Variants in CNTLN observed in about 807,000 individuals in gnomAD.
The protein encoded by CNTLN is centlein, centrosomal protein.
A neutral mutation model predicts 180.0 loss-of-function variants in CNTLN; 212 were observed. The ratio of observed to expected loss-of-function variants is 1.18; its 90% CI spans 1.05 to 1.32. CNTLN has a LOEUF of 1.32. Among genes scored for constraint, CNTLN ranks in the 40% most tolerant of loss-of-function variants. The pLI is 0.00. For synonymous variants in CNTLN, 722 were observed against 563.1 expected, an observed-to-expected ratio of 1.28 and a Z score of -3.99; for missense variants, 2,095 against 1,610.9, an observed-to-expected ratio of 1.30 and a Z score of -5.14.
At chr9:17,441,182 C>G (rs1830087506) in intron 18 of CNTLN, among the ~76,000 whole-genome samples, 1 of 152,138 alleles carries the variant, frequency 6.6e-6, no homozygotes, top group Non-Finnish European at 1.5e-5. Context: ...GACTTCATCA[C>G]CACTAGACCT....
Position 17,272,395 on chromosome 9 carries a change from T to C in CNTLN, c.850-1338T>C, listed in dbSNP as rs1587441534. On this transcript the variant is annotated intron_variant, in intron 5 of 25. Coordinates refer to ENST00000380647, the MANE Select transcript of CNTLN (RefSeq NM_017738.4). ...TGGCCAGATAATGTTTATTTCTGAT[T>C]GTTCACTTCATTGACTCTGTTTTTG... 2.0e-5 allele frequency among the ~76,000 whole-genome samples: 3 copies of C among 152,282 alleles called. No individual in the cohort carries two copies. In the South Asian group the frequency reaches 6.2e-4, roughly 32 times the overall value.
intron 25 of CNTLN, among the ~76,000 whole-genome samples, chr9:17,492,256 G>A (rs923650181): frequency 2.6e-5 from 4 of 150,962 alleles, no homozygotes; most frequent in African/African-American, 9.8e-5. Context: ...GTTTTTTCTT[G>A]TAATTCCTTT....
intron 21 of CNTLN, among the ~76,000 whole-genome samples, chr9:17,465,338 A>G (rs1319488352): frequency 6.6e-6 from 1 of 150,388 alleles, no homozygotes; most frequent in Non-Finnish European, 1.5e-5. Context: ...TCTCTTCCAC[A>G]CATCTGTGCA....
In CNTLN at chr9:17,335,589, A is replaced by T. The variant is rs546759370; in HGVS notation, c.1644+2859A>T. Among the ~76,000 whole-genome samples, 24 of 152,164 alleles carry T rather than the reference A, an allele frequency of 1.6e-4. No homozygotes were observed. In the East Asian group the frequency reaches 4.6e-3, roughly 29 times the overall value. On this transcript the variant is annotated intron_variant, in intron 10 of 25. Coordinates refer to ENST00000380647, the MANE Select transcript of CNTLN (RefSeq NM_017738.4). ...CTTTGAGGAAAAGGTCAGTTGATAC[A>T]TTTTTTCCTGTTTTCTATTTCCTAA... is the stretch of plus-strand genomic sequence containing the variant.
intron 8 of CNTLN, among the ~76,000 whole-genome samples, chr9:17,311,006 T>C (rs1930645): frequency 0.77 from 117,395 of 151,660 alleles, 46,608 homozygotes; most frequent in Non-Finnish European, 0.86. Flanking sequence ...AAGGTGTCAT[T>C]TGATGAACAG....
At position 17,135,358 on chromosome 9, in the gene CNTLN, T is replaced by C. The variant is rs374236181; in HGVS notation, c.293T>C (p.Met98Thr). 5 of 1,600,836 alleles carry C rather than the reference T, an allele frequency of 3.1e-6. No individual in the cohort carries two copies. Among genetic ancestry groups the C allele is most frequent in the Non-Finnish European group, 4.3e-6 (5 of 1,174,644 alleles). The change falls in exon 1 of 26, where the codon ATG (methionine) becomes ACG (threonine). Residue 98 changes from methionine to threonine, a missense_variant. Transcript: ENST00000380647. ...RLEGISVEEA[M>T]VTRTQLLEEE... ...GAGGGCATCTCGGTAGAGGAGGCGA[T>C]GGTGACCCGGACGCAGCTGCTGGAG... is the stretch of plus-strand genomic sequence containing the variant.
chr9:17,236,369 T>G, intron 4 of CNTLN, 40 bp from the exon 5 acceptor site: 1 of 1,503,234 alleles, frequency 6.7e-7, no homozygotes, highest in Non-Finnish European at 8.9e-7. Flanking sequence ...TTTTGTTTCG[T>G]TTTGTTTTAT....
At chr9:17,328,023 A>C (rs1051388151) in intron 8 of CNTLN, among the ~76,000 whole-genome samples, 24 of 152,168 alleles carry the variant, frequency 1.6e-4, no homozygotes, top group African/African-American at 5.8e-4. Context: ...AGGTAAGTAC[A>C]AAGAAAATAA....
intron 2 of CNTLN, among the ~76,000 whole-genome samples, chr9:17,177,259 A>G (rs533755359): frequency 9.9e-5 from 15 of 152,172 alleles, no homozygotes; most frequent in African/African-American, 3.6e-4. Context: ...AATACAAAAA[A>G]TTAGCCTGGC....
intron 12 of CNTLN, among the ~76,000 whole-genome samples, chr9:17,356,304 A>G (rs1753295526): frequency 6.6e-6 from 1 of 152,118 alleles, no homozygotes; most frequent in Non-Finnish European, 1.5e-5. Flanking sequence ...CTCATACACT[A>G]AGATTGTAGC....
chr9:17,140,615 G>GT (rs1818023927), intron 1 of CNTLN, among the ~76,000 whole-genome samples: 1 of 151,976 alleles, frequency 6.6e-6, no homozygotes, highest in African/African-American at 2.4e-5. Flanking sequence ...TAATTTTTAA[G>GT]TTTTTTGTGG....
At chr9:17,257,100 A>G (rs1326520853) in intron 5 of CNTLN, among the ~76,000 whole-genome samples, 2 of 151,792 alleles carry the variant, frequency 1.3e-5, no homozygotes, top group African/African-American at 2.4e-5. Context: ...AGCATTAGGT[A>G]TATCTCCTAA....
At chr9:17,445,838 A>G (rs1454168915) in intron 18 of CNTLN, among the ~76,000 whole-genome samples, 1 of 152,102 alleles carries the variant, frequency 6.6e-6, no homozygotes, top group African/African-American at 2.4e-5. Context: ...TGCAGTTGAG[A>G]CAAGAGGAAG....
chr9:17,311,636 C>G (rs1364293329), intron 8 of CNTLN, among the ~76,000 whole-genome samples: 1 of 151,646 alleles, frequency 6.6e-6, no homozygotes, highest in Non-Finnish European at 1.5e-5. Context: ...GGTGAAAGCC[C>G]TTCCTCTACT....
intron 8 of CNTLN, among the ~76,000 whole-genome samples, chr9:17,327,213 C>CTTTTT (rs71492913): frequency 1.0e-4 from 12 of 117,752 alleles, no homozygotes; most frequent in Non-Finnish European, 1.2e-4. Context: ...AGTAGTTAAC[C>CTTTTT]TTTTTTTTTT....
At chr9:17,267,893 T>C (rs369992543) in intron 5 of CNTLN, among the ~76,000 whole-genome samples, 2 of 152,192 alleles carry the variant, frequency 1.3e-5, no homozygotes, top group Admixed American at 1.3e-4. Context: ...TCCATCAGGT[T>C]CTTTAAGGAC....
the CNTLN span, among the ~76,000 whole-genome samples, chr9:17,515,813 G>C: frequency 6.6e-6 from 1 of 152,144 alleles, no homozygotes; most frequent in African/African-American, 2.4e-5. Context: ...CTATAATACA[G>C]CATATTCACC....
At chr9:17,471,904 A>T (rs1201007976) in intron 23 of CNTLN, among the ~76,000 whole-genome samples, 1 of 152,104 alleles carries the variant, frequency 6.6e-6, no homozygotes, top group Admixed American at 6.5e-5. Flanking sequence ...GAGACCCAAC[A>T]TGTAAATACA....
At chr9:17,243,451 G>A (rs12237892) in intron 5 of CNTLN, among the ~76,000 whole-genome samples, 1 of 151,938 alleles carries the variant, frequency 6.6e-6, no homozygotes, top group Non-Finnish European at 1.5e-5. Context: ...GATTCTTACA[G>A]CATAAAATTT....
Sources: gnomAD v4.1 joint callset for allele counts (sites outside exome capture counted in the v4.1 genomes callset) on GRCh38, gnomAD v4.1.1 for gene constraint, MANE v1.5 for transcripts, NCBI Gene and HGNC (gene_info 2026-07-23, HGNC 2026-07-21) for gene names.